Variants in NTM observed in about 807,000 individuals in gnomAD.
The protein encoded by NTM is neurotrimin.
Under a neutral mutation model 42.1 loss-of-function variants are expected in NTM, and 13 were observed. That is an observed-to-expected ratio of 0.31 (90% CI 0.20 to 0.49). The LOEUF (loss-of-function observed/expected upper bound fraction) is 0.49, where lower values mean the gene tolerates loss of function less well. NTM is among the 20% of genes least tolerant of loss of function. NTM has a pLI of 0.99. For synonymous variants in NTM, 187 were observed against 179.2 expected, an observed-to-expected ratio of 1.04 and a Z score of -0.35; for missense variants, 373 against 452.8, an observed-to-expected ratio of 0.82 and a Z score of 1.60.
chr11:131,927,723 C>A (rs1406349665), intron 2 of NTM, among the ~76,000 whole-genome samples: 1 of 152,126 alleles, frequency 6.6e-6, no homozygotes, highest in Non-Finnish European at 1.5e-5. Flanking sequence ...ACACTTGATA[C>A]CCAGAGAAGG....
intron 1 of NTM, among the ~76,000 whole-genome samples, chr11:131,725,293 C>A (rs570442325): frequency 1.2e-4 from 18 of 152,186 alleles, no homozygotes; most frequent in African/African-American, 3.9e-4. Flanking sequence ...AAAATAAAAT[C>A]TTTGCTCTTT....
At chr11:132,319,596 G>GTTGT (rs1303599166) in intron 7 of NTM, among the ~76,000 whole-genome samples, 1 of 152,244 alleles carries the variant, frequency 6.6e-6, no homozygotes, top group East Asian at 1.9e-4. Flanking sequence ...TGCCTAGTTA[G>GTTGT]TTGTTTGATT....
chr11:131,795,182 T>C (rs2091421492), intron 1 of NTM, among the ~76,000 whole-genome samples: 1 of 152,220 alleles, frequency 6.6e-6, no homozygotes, highest in Non-Finnish European at 1.5e-5. Flanking sequence ...TAAATTTCAC[T>C]CCAGTGGTGA....
chr11:132,161,427 C>T (rs3936013), intron 3 of NTM, among the ~76,000 whole-genome samples: 61,390 of 135,504 alleles, frequency 0.45, 13,990 homozygotes, highest in East Asian at 0.65. Flanking sequence ...TCATCTTCTG[C>T]CTGTCACCGT....
chr11:131,391,773 A>G (rs867449424), intron 1 of NTM, among the ~76,000 whole-genome samples: 1 of 152,130 alleles, frequency 6.6e-6, no homozygotes, highest in South Asian at 2.1e-4. Flanking sequence ...ACAGGTAAAC[A>G]TAAAGTTAGT....
intron 1 of NTM, among the ~76,000 whole-genome samples, chr11:131,514,013 T>C (rs117688544): frequency 1.7e-4 from 26 of 152,250 alleles, no homozygotes; most frequent in South Asian, 4.1e-4. Flanking sequence ...TTCTAAGCCT[T>C]GGCCTAAGGC....
At chr11:131,598,777 T>C (rs1592171176) in intron 1 of NTM, among the ~76,000 whole-genome samples, 3 of 79,980 alleles carry the variant, frequency 3.8e-5, no homozygotes, top group African/African-American at 1.2e-4. Flanking sequence ...TTTCTTTCTT[T>C]CTTTCTTCTT....
chr11:131,475,559 A>G (rs1477628223), intron 1 of NTM, among the ~76,000 whole-genome samples: 1 of 152,138 alleles, frequency 6.6e-6, no homozygotes, highest in African/African-American at 2.4e-5. Context: ...TCAACATCAC[A>G]CATCTTGCTT....
chr11:131,861,945 A>G (rs2046677283), intron 1 of NTM, among the ~76,000 whole-genome samples: 1 of 152,142 alleles, frequency 6.6e-6, no homozygotes, highest in South Asian at 2.1e-4. Flanking sequence ...TCCTCTGCAC[A>G]TCCAGAGCCC....
intron 2 of NTM, among the ~76,000 whole-genome samples, chr11:132,078,377 G>A (rs1415199331): frequency 1.3e-5 from 2 of 152,198 alleles, no homozygotes; most frequent in Non-Finnish European, 2.9e-5. Context: ...CCTCGGTGTG[G>A]CTCAGGCTGC....
chr11:131,900,890 T>C (rs1444574873), intron 1 of NTM, among the ~76,000 whole-genome samples: 1 of 152,218 alleles, frequency 6.6e-6, no homozygotes, highest in East Asian at 1.9e-4. Context: ...TTTTTAGTGT[T>C]TTCCATAAAA....
At chr11:131,918,380 G>C (rs1296551306) in intron 2 of NTM, among the ~76,000 whole-genome samples, 1 of 152,144 alleles carries the variant, frequency 6.6e-6, no homozygotes, top group Non-Finnish European at 1.5e-5. Context: ...CTTATGCTTT[G>C]ACTCTCATTC....
intron 1 of NTM, among the ~76,000 whole-genome samples, chr11:131,591,373 C>G (rs567357649): frequency 2.0e-5 from 3 of 152,356 alleles, no homozygotes; most frequent in African/African-American, 7.2e-5. Context: ...GGGACGAAGC[C>G]TCCCGTGGGC....
intron 2 of NTM, among the ~76,000 whole-genome samples, chr11:132,101,516 A>G (rs1381116546): frequency 1.3e-5 from 2 of 151,888 alleles, no homozygotes; most frequent in Non-Finnish European, 2.9e-5. Context: ...AATGTTGTCA[A>G]GCTAAATAAG....
At chr11:131,960,442 T>C (rs1230724191) in intron 2 of NTM, among the ~76,000 whole-genome samples, 1 of 152,218 alleles carries the variant, frequency 6.6e-6, no homozygotes, top group African/African-American at 2.4e-5. Flanking sequence ...TGTGGAACCA[T>C]GGAGCAGTCA....
chr11:132,249,163 C>T (rs1359188446), intron 4 of NTM, among the ~76,000 whole-genome samples: 1 of 152,186 alleles, frequency 6.6e-6, no homozygotes, highest in East Asian at 1.9e-4. Context: ...GAACTGGCAT[C>T]AGCAAAGCAA....
chr11:131,466,192 G>C (rs553107087), intron 1 of NTM, among the ~76,000 whole-genome samples: 1 of 152,272 alleles, frequency 6.6e-6, no homozygotes, highest in South Asian at 2.1e-4. Context: ...TAAATCAAGG[G>C]GCAGAGAGAA....
chr11:132,098,998 A>T (rs2061344144), intron 2 of NTM, among the ~76,000 whole-genome samples: 1 of 152,224 alleles, frequency 6.6e-6, no homozygotes, highest in South Asian at 2.1e-4. Flanking sequence ...TTATAAAAGG[A>T]GCAAATCCCC....
intron 8 of NTM, among the ~76,000 whole-genome samples, chr11:132,330,619 T>A (rs2095785308): frequency 6.6e-6 from 1 of 152,012 alleles, no homozygotes; most frequent in Non-Finnish European, 1.5e-5. Flanking sequence ...GAGGGGAAGA[T>A]GGGAGGAAGG....
Sources: allele counts gnomAD v4.1 joint callset (sites outside exome capture counted in the v4.1 genomes callset), GRCh38; gene constraint gnomAD v4.1.1; transcripts MANE v1.5; gene names NCBI Gene and HGNC (gene_info 2026-07-23, HGNC 2026-07-21).